The following GPS2 variants were observed in gnomAD, a reference collection of about 807,000 sequenced individuals.
GPS2 encodes the protein G protein pathway suppressor 2.
A neutral mutation model predicts 48.1 loss-of-function variants in GPS2; 22 were observed. The ratio of observed to expected loss-of-function variants is 0.46; its 90% CI spans 0.33 to 0.65. The LOEUF is 0.65. GPS2 is among the 30% of genes least tolerant of loss of function. The probability of loss-of-function intolerance (pLI) is 0.03; values close to 1 mark genes in which losing one functional copy is unlikely to be tolerated. For synonymous variants in GPS2, 202 were observed against 142.5 expected, an observed-to-expected ratio of 1.42 and a Z score of -2.98; for missense variants, 366 against 406.8, an observed-to-expected ratio of 0.90 and a Z score of 0.86.
chr17:7,313,467 G>T lies in GPS2; in HGVS notation c.637C>A (p.Pro213Thr), dbSNP rs748835899. The T allele has an allele frequency of 6.2e-7, 1 of 1,614,164 alleles. No homozygotes were observed. Among genetic ancestry groups the T allele is most frequent in the East Asian group, 2.2e-5 (1 of 44,888 alleles). ...AYSPSQQLRA[P>T]SAFPAVQYLS... The stretch of plus-strand genomic sequence containing the variant: ...TACTGCACTGCAGGGAATGCCGAAG[G>T]AGCTGAGAAAGGAAAAGACAGAGCC... Residue 213 changes from proline (P) to threonine (T), a missense_variant and splice_region_variant, in exon 8 of 11, where the codon CCT becomes ACT. By Grantham distance (38) the Pro-to-Thr change is conservative. This residue lies in a region of GPS2 where 275 missense variants were observed against 282.3 expected (regional missense o/e 0.97). Transcript: ENST00000380728.
At position 7,313,633 on chromosome 17, in the gene GPS2, G is replaced by A; in HGVS notation, c.569C>T (p.Thr190Ile). The A allele has an allele frequency of 6.2e-7, 1 of 1,613,982 alleles. No homozygotes were observed. Among genetic ancestry groups the A allele is most frequent in the Non-Finnish European group, 8.5e-7 (1 of 1,179,998 alleles). ...CCCATAGTGAGGTGGGGGCTGAGCA[G>A]TCCCATAGGCACCACCAGGACTGCC... Reference protein sequence around the residue: ...FQGSPGGAYGTAQPPPHYGPT... With the variant: ...FQGSPGGAYGIAQPPPHYGPT... Residue 190 changes from threonine (T) to isoleucine (I), a missense_variant, in exon 7 of 11, where the codon ACT becomes ATT. Thr to Ile is a moderately conservative substitution (Grantham distance 89, BLOSUM62 -1). Transcript: ENST00000380728.
At chr17:7,314,250 C>G (rs761861544) in intron 4 of GPS2, 41 bp downstream of exon 4, 2 of 1,596,058 alleles carry the variant, frequency 1.3e-6, no homozygotes, top group Non-Finnish European at 1.7e-6. Flanking sequence ...GATCCCAGTT[C>G]CACTTGGCCC....
In GPS2 at chr17:7,313,417, GGGCTGT is replaced by G. The variant is rs748493582; in HGVS notation, c.681_686del (p.Gln228_Pro229del). 30 of 1,613,974 alleles carry G rather than the reference GGGCTGT, an allele frequency of 1.9e-5. No homozygotes were observed. Among genetic ancestry groups the G allele is most frequent in the Non-Finnish European group, 2.2e-5 (26 of 1,179,950 alleles). ...GCTGAAAGTGGCCATGCACAGCATAGGGCTGTGGCTGTGGCTGAGATAGGTACTGCA... is the reference window on the plus strand; with the variant it reads ...GCTGAAAGTGGCCATGCACAGCATAGGGCTGTGGCTGAGATAGGTACTGCA... On this transcript the variant is annotated inframe_deletion, in exon 8 of 11. Coordinates refer to ENST00000380728, the MANE Select transcript of GPS2 (RefSeq NM_004489.5).
At position 7,314,290 on chromosome 17, in the gene GPS2, C is replaced by T; in HGVS notation, c.317+1G>A. On this transcript the variant is annotated splice_donor_variant, in intron 4 of 10. Transcript: ENST00000380728. LOFTEE classifies it high-confidence loss of function. The stretch of plus-strand genomic sequence containing the variant: ...TTCAGTTTTTAGCACTCTGATCCCA[C>T]CTCTGTTCCTTTCGCCTCCGTTTTT... 6.2e-7 allele frequency: 1 copy of T among 1,613,990 alleles called. No homozygotes were observed. Among genetic ancestry groups the T allele is most frequent in the South Asian group, 1.1e-5 (1 of 91,078 alleles).
In GPS2 at chr17:7,314,506, T is replaced by C. The variant is rs771202809; in HGVS notation, c.186A>G (p.Leu62=). ...KKKEMEERMS[L]EETKEQILKL... is the part of the protein sequence containing the mutation. ...TGCTTACTTGTTCCTTGGTCTCCTCTAATGACATTCTCTCTTCCATCTCCT... is the reference window on the plus strand; with the variant it reads ...TGCTTACTTGTTCCTTGGTCTCCTCCAATGACATTCTCTCTTCCATCTCCT... The change falls in exon 3 of 11, where the codon TTA becomes TTG. Residue 62 remains leucine (L), a synonymous_variant. Transcript: ENST00000380728. 1.2e-6 allele frequency: 2 copies of C among 1,614,184 alleles called. No individual in the cohort carries two copies. Among genetic ancestry groups the C allele is most frequent in the African/African-American group, 2.7e-5 (2 of 75,056 alleles).
chr17:7,314,896 G>A (rs2072917062), intron 2 of GPS2, 63 bp downstream of exon 2: 2 of 1,525,476 alleles, frequency 1.3e-6, no homozygotes, highest in Middle Eastern at 2.2e-4. Context: ...GTGGGTTGAG[G>A]CCAGCCTTGA....
chr17:7,314,878 G>C, intron 2 of GPS2, 81 bp downstream of exon 2: 2 of 1,487,032 alleles, frequency 1.3e-6, no homozygotes, highest in East Asian at 2.4e-5. Context: ...GGGCGCGCTG[G>C]TTGGCCGGTG....
At position 7,314,534 on chromosome 17, in the gene GPS2, T is replaced by C. The variant is rs1326362358; in HGVS notation, c.158A>G (p.Lys53Arg). 2 of 1,614,098 alleles carry C rather than the reference T, an allele frequency of 1.2e-6. No homozygotes were observed. Among genetic ancestry groups the C allele is most frequent in the East Asian group, 2.2e-5 (1 of 44,886 alleles). Residue 53 changes from lysine to arginine, a missense_variant, in exon 3 of 11, where the codon AAA (lysine) becomes AGA (arginine). Transcript: ENST00000380728. ...KMKEEQERRKKKEMEERMSLE... is the reference protein window; with the variant it reads ...KMKEEQERRKRKEMEERMSLE... ...TGACATTCTCTCTTCCATCTCCTTT[T>C]TCTTCCTTCTCTCCTGTTCTTCCTT...
At chr17:7,314,456 T>A (rs2072910600) in intron 3 of GPS2, 32 bp downstream of exon 3, 1 of 1,613,920 alleles carries the variant, frequency 6.2e-7, no homozygotes, top group African/African-American at 1.3e-5. Flanking sequence ...AACGAAGAAA[T>A]CAAAGCTGGG....
rs562774644 is a variant in GPS2 at position 7,314,433 on chromosome 17, G to A, written c.205-30C>T. 2.8e-5 allele frequency: 46 copies of A among 1,614,112 alleles called. No homozygotes were observed. The African/African-American group carries it at 5.5e-4, about 19-fold the overall frequency. On this transcript the variant is annotated intron_variant, in intron 3 of 10. Transcript: ENST00000380728. ...GATGGGGTGGGAAAAGAAGATGAAG[G>A]CAGGGAGAGTCAAACGAAGAAATCA...
Position 7,312,716 on chromosome 17 carries a change from A to G in GPS2, c.*40T>C. Reference sequence around the variant, plus strand: ...CACACAGGGGATACCCTCACCCACGATGGGGTGGGGGGTGTGGTGTTGAAG... The same window carrying G: ...CACACAGGGGATACCCTCACCCACGGTGGGGTGGGGGGTGTGGTGTTGAAG... On this transcript the variant is annotated 3_prime_UTR_variant, in exon 11 of 11. Coordinates refer to ENST00000380728, the MANE Select transcript of GPS2 (RefSeq NM_004489.5). 1 of 1,463,292 alleles carries G rather than the reference A, an allele frequency of 6.8e-7. No homozygotes were observed. Among genetic ancestry groups the G allele is most frequent in the Non-Finnish European group, 9.6e-7 (1 of 1,042,552 alleles). The allele number at this position is 1,463,292 out of a possible 1,614,324, so 90.6% of individuals were successfully genotyped here.
chr17:7,314,066 T>G lies in GPS2; in HGVS notation c.397+14A>C. The G allele has an allele frequency of 6.2e-7, 1 of 1,613,036 alleles. No homozygotes were observed. The highest frequency in any genetic ancestry group is 8.5e-7 in the Non-Finnish European group (1 of 1,179,104). ...AGAAGGCCGGTTCCATCTGGTGGTT[T>G]CTTTAGTCCTCACCCTGCATGCTGA... On this transcript the variant is annotated intron_variant, in intron 5 of 10. Coordinates refer to ENST00000380728, the MANE Select transcript of GPS2 (RefSeq NM_004489.5).
In GPS2 at chr17:7,314,133, G is replaced by A. The variant is rs202127770; in HGVS notation, c.344C>T (p.Ala115Val). Residue 115 changes from alanine (A) to valine (V), a missense_variant, in exon 5 of 11, where the codon GCA (alanine) becomes GTA (valine). Ala to Val is a moderately conservative substitution (Grantham distance 64). Coordinates refer to ENST00000380728, the MANE Select transcript of GPS2 (RefSeq NM_004489.5). Reference sequence around the variant, plus strand: ...GTGAACAGTCAGGCTCTGCTGGTATGCAGCTGATGTTAGGGTGGTCAGGTC... The same window carrying A: ...GTGAACAGTCAGGCTCTGCTGGTATACAGCTGATGTTAGGGTGGTCAGGTC... Reference protein sequence around the residue: ...QSDLTTLTSAAYQQSLTVHTG... With the variant: ...QSDLTTLTSAVYQQSLTVHTG... The A allele has an allele frequency of 1.9e-6, 3 of 1,614,022 alleles. No homozygotes were observed. Among genetic ancestry groups the A allele is most frequent in the African/African-American group, 1.3e-5 (1 of 75,028 alleles).
chr17:7,313,689 A>T lies in GPS2; in HGVS notation c.513T>A (p.Phe171Leu), dbSNP rs1229760737. Residue 171 changes from phenylalanine to leucine, a missense_variant, in exon 7 of 11, where the codon TTT becomes TTA. Transcript: ENST00000380728. ...TRHYVGSAAA[F>L]AGTPEHGQFQ... ...ATTGTCCATGCTCTGGTGTCCCTGC[A>T]AAAGCAGCTGCTGAGCCCACGTAGT... The T allele has an allele frequency of 6.2e-7, 1 of 1,614,020 alleles. No individual in the cohort carries two copies. The highest frequency in any genetic ancestry group is 1.3e-5 in the African/African-American group (1 of 74,894).
At chr17:7,314,836 G>T in intron 2 of GPS2, 123 bp downstream of exon 2, 1 of 1,310,654 alleles carries the variant, frequency 7.6e-7, no homozygotes. Context: ...ACCACAACGG[G>T]GCTATTCCTT....
At position 7,314,587 on chromosome 17, in the gene GPS2, C is replaced by T. The variant is rs750108379; in HGVS notation, c.105G>A (p.Glu35=). The T allele has an allele frequency of 6.8e-6, 11 of 1,613,842 alleles. No individual in the cohort carries two copies. Among genetic ancestry groups the T allele is most frequent in the Middle Eastern group, 1.6e-4 (1 of 6,084 alleles). ...ERERKRQEEE[E]VDKMMEQKMK... ...TCTTCTGTTCCATCATCTTATCCAC[C>T]TCTTCTTCCTCTGGAGAATCAGGCA... Residue 35 remains glutamate, a synonymous_variant, in exon 3 of 11, where the codon GAG becomes GAA. Transcript: ENST00000380728.
At position 7,312,770 on chromosome 17, in the gene GPS2, A is replaced by G. The variant is rs1338137033; in HGVS notation, c.970T>C (p.Phe324Leu). The change falls in exon 11 of 11, where the codon TTC (phenylalanine) becomes CTC (leucine). Residue 324 changes from phenylalanine to leucine, a missense_variant. By Grantham distance (22) the Phe-to-Leu change is conservative (BLOSUM62 0). This residue lies in a region of GPS2 where 275 missense variants were observed against 282.3 expected (regional missense o/e 0.97). Transcript: ENST00000380728. ...PFIQHSQNPRFYHK is the reference protein window; with the variant it reads ...PFIQHSQNPRLYHK The stretch of plus-strand genomic sequence containing the variant: ...TAATCTGATGGTCACTTGTGGTAGA[A>G]TCGCGGGTTCTGGCTGTGTTGGATG... 7.4e-6 allele frequency: 12 copies of G among 1,613,716 alleles called. No homozygotes were observed. The highest frequency in any genetic ancestry group is 1.0e-5 in the Non-Finnish European group (12 of 1,179,758).
At chr17:7,314,432 G>C (rs199845896) in intron 3 of GPS2, 29 bp from the exon 4 acceptor site, 1 of 1,614,136 alleles carries the variant, frequency 6.2e-7, no homozygotes, top group Non-Finnish European at 8.5e-7. Flanking sequence ...AGAAGATGAA[G>C]GCAGGGAGAG....
At position 7,312,809 on chromosome 17, in the gene GPS2, G is replaced by T. The variant is rs765869813; in HGVS notation, c.931C>A (p.Pro311Thr). The change falls in exon 11 of 11, where the codon CCT (proline) becomes ACT (threonine). Residue 311 changes from proline (P) to threonine (T), a missense_variant. Physicochemically the swap from Pro to Thr is conservative, Grantham distance 38 (BLOSUM62 -1). This residue lies in a region of GPS2 where 275 missense variants were observed against 282.3 expected (regional missense o/e 0.97). Coordinates refer to ENST00000380728, the MANE Select transcript of GPS2 (RefSeq NM_004489.5). ...CTGTGTTGGATGAAGGGGAGCCGAGGGCCAGGTTGGCTGGTAGCTGCAAAG... is the reference window on the plus strand; with the variant it reads ...CTGTGTTGGATGAAGGGGAGCCGAGTGCCAGGTTGGCTGGTAGCTGCAAAG... ...SGFAATSQPG[P>T]RLPFIQHSQN... 3.0e-5 allele frequency: 49 copies of T among 1,614,004 alleles called. No homozygotes were observed. Among genetic ancestry groups the T allele is most frequent in the Non-Finnish European group, 3.6e-5 (42 of 1,180,018 alleles).
Sources: gnomAD v4.1 joint callset for allele counts on GRCh38, gnomAD v4.1.1 for gene constraint, gnomAD v4.1.1 regional missense constraint, MANE v1.5 for transcripts, NCBI Gene and HGNC (gene_info 2026-07-23, HGNC 2026-07-21) for gene names.